The following LYPD8 variants were observed in gnomAD, a reference collection of about 807,000 sequenced individuals.
The protein encoded by LYPD8 is ly6/PLAUR domain-containing protein 8.
In LYPD8, 8 loss-of-function variants were observed where a neutral mutation model predicts 1.7. The ratio of observed to expected loss-of-function variants is 4.58; its 90% CI spans 2.69 to 8.27. The LOEUF is 8.27. Ranked by LOEUF, LYPD8 falls within the 30% of genes most tolerant of loss-of-function variation. The pLI is 0.00. For missense variants in LYPD8, 112 were observed against 102.3 expected, an observed-to-expected ratio of 1.09 and a Z score of -0.41; for synonymous variants, 50 against 43.6, an observed-to-expected ratio of 1.15 and a Z score of -0.58.
chr1:248,745,310 G>A (rs1055541906), intron 5 of LYPD8, 31 bp from the exon 6 acceptor site: 58 of 398,386 alleles, frequency 1.5e-4, no homozygotes, highest in Non-Finnish European at 2.3e-4. Context: ...ACTCAGGACA[G>A]TGTTATCATA....
In LYPD8 at chr1:248,748,368, G is replaced by A. The variant is rs1007627391; in HGVS notation, c.258C>T (p.His86=). The change falls in exon 5 of 7, where the codon CAC becomes CAT. Residue 86 remains histidine (H), a synonymous_variant. Transcript: ENST00000590317. The part of the protein sequence containing the change: ...EETHITAFTV[H]VSAEEHFHFV... Reference sequence around the variant, plus strand: ...AATGAAAGTGTTCTTCAGCAGACACGTGGACAGTGAAGGCTGTAATGTGTG... The same window carrying A: ...AATGAAAGTGTTCTTCAGCAGACACATGGACAGTGAAGGCTGTAATGTGTG... 4.6e-4 allele frequency: 208 copies of A among 456,024 alleles called. No homozygotes were observed. Among genetic ancestry groups the A allele is most frequent in the African/African-American group, 3.8e-3 (185 of 48,988 alleles). The allele number at this position is 456,024 out of a possible 1,614,324, so 28.2% of individuals were successfully genotyped here. A position where few individuals can be genotyped will look rare whatever the true frequency, so the allele number is the denominator to read the frequency against.
In LYPD8 at chr1:248,739,526, G is replaced by T; in HGVS notation, c.*85C>A. 6.5e-7 allele frequency: 1 copy of T among 1,531,684 alleles called. No homozygotes were observed. Among genetic ancestry groups the T allele is most frequent in the Admixed American group, 2.0e-5 (1 of 50,262 alleles). 94.9% of individuals were successfully genotyped at this position (1,531,684 alleles called of 1,614,324 possible). ...GGGCAGTTAAACGGGGCAGAGCAGG[G>T]AAAGAGGGTGTCAGCACCGCAGGGG... On this transcript the variant is annotated 3_prime_UTR_variant, in exon 7 of 7. Transcript: ENST00000590317. The surrounding 1 kb of genome is among the most constrained non-coding windows in gnomAD (Gnocchi z 4.3).
intron 4 of LYPD8, among the ~76,000 whole-genome samples, chr1:248,749,660 G>A (rs1017753215): frequency 6.6e-6 from 1 of 152,068 alleles, no homozygotes; most frequent in Non-Finnish European, 1.5e-5. Flanking sequence ...CAAGGGCGGA[G>A]TCCTCACAGC....
chr1:248,753,256 C>T (rs1662856582), intron 2 of LYPD8, among the ~76,000 whole-genome samples: 1 of 105,890 alleles, frequency 9.4e-6, no homozygotes, highest in African/African-American at 4.2e-5. Context: ...ACACAACACA[C>T]ACCGCATCAC....
chr1:248,752,704 ACAC>A (rs1662824569), intron 2 of LYPD8, among the ~76,000 whole-genome samples: 1 of 117,192 alleles, frequency 8.5e-6, no homozygotes, highest in Admixed American at 9.0e-5. Context: ...CAACACACAC[ACAC>A]CACACTCCCC....
rs928222648 is a variant in LYPD8, at chr1:248,745,251, G to A, written c.366C>T (p.Asn122=). 3.3e-5 allele frequency: 13 copies of A among 398,466 alleles called. No homozygotes were observed. The highest frequency in any genetic ancestry group is 1.3e-4 in the South Asian group (1 of 7,856). The allele number at this position is 398,466 out of a possible 1,614,324, so 24.7% of individuals were successfully genotyped here. ...LDPPLKNVSS[N]AECPACYESN... ...ATTCATAACAAGCAGGGCACTCTGCGTTGCTGGACACGTTCTTCAGGGGAG... is the reference window on the plus strand; with the variant it reads ...ATTCATAACAAGCAGGGCACTCTGCATTGCTGGACACGTTCTTCAGGGGAG... Residue 122 remains asparagine, a synonymous_variant, in exon 6 of 7, where the codon AAC becomes AAT. Transcript: ENST00000590317.
At position 248,739,881 on chromosome 1, in the gene LYPD8, A is replaced by G; in HGVS notation, c.476-32T>C. 2 of 1,550,882 alleles carry G rather than the reference A, an allele frequency of 1.3e-6. No homozygotes were observed. Among genetic ancestry groups the G allele is most frequent in the Non-Finnish European group, 1.7e-6 (2 of 1,146,750 alleles). On this transcript the variant is annotated intron_variant, in intron 6 of 6. Transcript: ENST00000590317. The surrounding 1 kb of genome is among the most constrained non-coding windows in gnomAD (Gnocchi z 4.3). Reference sequence around the variant, plus strand: ...ATGCAAAGGAGACAGGAGGGACGCCACTCAGTCCTTTGTCCTTCCACCCAC... The same window carrying G: ...ATGCAAAGGAGACAGGAGGGACGCCGCTCAGTCCTTTGTCCTTCCACCCAC...
intron 2 of LYPD8, among the ~76,000 whole-genome samples, chr1:248,752,746 C>A (rs2103172478): frequency 2.4e-5 from 3 of 126,806 alleles, no homozygotes; most frequent in East Asian, 2.5e-4. Context: ...ACACACACCA[C>A]ACACCCCACA....
chr1:248,751,183 C>T (rs930945944), intron 2 of LYPD8, 53 bp from the exon 3 acceptor site: 76 of 397,990 alleles, frequency 1.9e-4, no homozygotes, highest in Non-Finnish European at 5.3e-5. Context: ...TGCCTCTCAT[C>T]CCCTGGGGCT....
intron 2 of LYPD8, among the ~76,000 whole-genome samples, chr1:248,752,788 A>AT (rs1662830451): frequency 6.2e-5 from 6 of 97,178 alleles, no homozygotes; most frequent in Admixed American, 1.0e-4. Context: ...CACACACCAC[A>AT]CACACACCAC....
intron 4 of LYPD8, 141 bp from the exon 5 acceptor site, chr1:248,748,594 G>A (rs1407052269): frequency 1.3e-5 from 5 of 394,528 alleles, no homozygotes; most frequent in Non-Finnish European, 1.3e-5. Context: ...ACTGGAGAGG[G>A]TTTTCCGGAA....
At chr1:248,745,472 T>C (rs1214241190) in intron 5 of LYPD8, among the ~76,000 whole-genome samples, 193 bp from the exon 6 acceptor site, 2 of 152,242 alleles carry the variant, frequency 1.3e-5, no homozygotes, top group African/African-American at 2.4e-5. Flanking sequence ...AGATCTGCTC[T>C]AACAGACTAT....
intron 6 of LYPD8, among the ~76,000 whole-genome samples, chr1:248,741,068 C>A (rs1284482589): frequency 6.6e-6 from 1 of 152,178 alleles, no homozygotes; most frequent in Non-Finnish European, 1.5e-5. Flanking sequence ...AGTCAGTGAT[C>A]GCACCCCTGC....
intron 5 of LYPD8, among the ~76,000 whole-genome samples, chr1:248,746,585 G>C (rs878952728): frequency 0.07 from 9,309 of 132,268 alleles, 273 homozygotes; most frequent in East Asian, 0.2. Flanking sequence ...CCAGGGCATC[G>C]CCCGCACGGC....
chr1:248,750,001 TA>T (rs1217000392), intron 4 of LYPD8, among the ~76,000 whole-genome samples: 1 of 152,152 alleles, frequency 6.6e-6, no homozygotes, highest in Non-Finnish European at 1.5e-5. Flanking sequence ...GGCAGTTCAT[TA>T]TACTCTTTTT....
At chr1:248,751,229 ATCCTTGTGAC>A (rs1399170545) in intron 2 of LYPD8, 99 bp from the exon 3 acceptor site, 1 of 395,004 alleles carries the variant, frequency 2.5e-6, no homozygotes, top group African/African-American at 2.1e-5. Context: ...TACTCAGTCC[ATCCTTGTGAC>A]AGAAAGAATC....
chr1:248,753,049 A>C, intron 2 of LYPD8, among the ~76,000 whole-genome samples: 1 of 68,426 alleles, frequency 1.5e-5, no homozygotes. Context: ...CACACACATC[A>C]CACACACACC....
intron 2 of LYPD8, among the ~76,000 whole-genome samples, chr1:248,752,578 TCA>T (rs1428076682): frequency 4.3e-5 from 3 of 70,478 alleles, no homozygotes; most frequent in South Asian, 1.0e-3. Flanking sequence ...AACACACACA[TCA>T]CACACACACC....
intron 6 of LYPD8, among the ~76,000 whole-genome samples, chr1:248,742,263 T>C (rs1662618514): frequency 8.9e-6 from 1 of 112,114 alleles, no homozygotes; most frequent in Non-Finnish European, 1.7e-5. Flanking sequence ...GAGGTTACGC[T>C]CTGGTGGGGA....
Sources: gnomAD v4.1 joint callset for allele counts (sites outside exome capture counted in the v4.1 genomes callset) on GRCh38, gnomAD v4.1.1 for gene constraint, Gnocchi (gnomAD v3.1) non-coding constraint, MANE v1.5 for transcripts, NCBI Gene and HGNC (gene_info 2026-07-23, HGNC 2026-07-21) for gene names.